The following SPOCK3 variants were observed in gnomAD, a reference collection of about 807,000 sequenced individuals.
SPOCK3 encodes the protein testican-3.
Under a neutral mutation model 56.6 loss-of-function variants are expected in SPOCK3, and 30 were observed. The observed-to-expected ratio is 0.53, with a 90% CI of 0.40 to 0.72. SPOCK3 has a LOEUF of 0.72. Ranked by LOEUF, SPOCK3 falls within the 30% of genes least tolerant of loss-of-function variation. The pLI is 0.00. For missense variants in SPOCK3, 527 were observed against 530.0 expected, an observed-to-expected ratio of 0.99 and a Z score of 0.06; for synonymous variants, 196 against 183.3, an observed-to-expected ratio of 1.07 and a Z score of -0.56.
chr4:167,019,497 T>C (rs1750968460), intron 3 of SPOCK3, among the ~76,000 whole-genome samples: 1 of 151,596 alleles, frequency 6.6e-6, no homozygotes, highest in Non-Finnish European at 1.5e-5. Flanking sequence ...AAATTATATA[T>C]AGTATACAAT....
intron 4 of SPOCK3, among the ~76,000 whole-genome samples, chr4:166,963,851 C>T (rs1205244511): frequency 6.6e-6 from 1 of 151,682 alleles, no homozygotes; most frequent in Non-Finnish European, 1.5e-5. Flanking sequence ...AAATGAGAGA[C>T]AATTATTATA....
intron 2 of SPOCK3, among the ~76,000 whole-genome samples, chr4:167,126,853 T>C (rs2150373991): frequency 6.6e-6 from 1 of 152,282 alleles, no homozygotes; most frequent in East Asian, 1.9e-4. Flanking sequence ...AGCCTCTGGT[T>C]CCTCTTCCAC....
At chr4:166,808,134 T>A (rs1048354473) in intron 6 of SPOCK3, among the ~76,000 whole-genome samples, 1 of 152,164 alleles carries the variant, frequency 6.6e-6, no homozygotes, top group African/African-American at 2.4e-5. Flanking sequence ...AGTAGAACTA[T>A]GAGCATTGTT....
At chr4:167,185,613 T>A (rs551433087) in intron 2 of SPOCK3, among the ~76,000 whole-genome samples, 1 of 152,294 alleles carries the variant, frequency 6.6e-6, no homozygotes, top group South Asian at 2.1e-4. Flanking sequence ...CACAAATAAT[T>A]GAGCTGATTA....
intron 6 of SPOCK3, among the ~76,000 whole-genome samples, chr4:166,836,014 A>T (rs1746576773): frequency 6.6e-6 from 1 of 152,096 alleles, no homozygotes. Flanking sequence ...TCTCACACAC[A>T]CACACACAAA....
intron 2 of SPOCK3, chr4:167,083,126 A>G: frequency 1.3e-6 from 1 of 761,182 alleles, no homozygotes; most frequent in Admixed American, 1.7e-5. Context: ...CTTCTTAACT[A>G]ATTACAGCTT....
At chr4:167,180,281 G>A (rs150196159) in intron 2 of SPOCK3, among the ~76,000 whole-genome samples, 55 of 152,252 alleles carry the variant, frequency 3.6e-4, no homozygotes, top group African/African-American at 1.2e-3. Context: ...ATGCCAAGGA[G>A]ACTGTGAGGT....
chr4:167,066,854 A>T (rs1293486111), intron 2 of SPOCK3, among the ~76,000 whole-genome samples: 1 of 151,928 alleles, frequency 6.6e-6, no homozygotes, highest in Non-Finnish European at 1.5e-5. Flanking sequence ...CCCAGTATGG[A>T]GAAGCTAGTT....
intron 3 of SPOCK3, 94 bp downstream of exon 3, chr4:167,062,398 T>A: frequency 1.1e-6 from 1 of 934,330 alleles, no homozygotes; most frequent in Non-Finnish European, 1.6e-6. Context: ...CTATTTAGTA[T>A]TTTCAAGCCT....
chr4:166,864,914 C>T (rs1035472935), intron 6 of SPOCK3, among the ~76,000 whole-genome samples: 8 of 151,938 alleles, frequency 5.3e-5, no homozygotes, highest in African/African-American at 1.9e-4. Context: ...AAAGAGGGAG[C>T]CCTCCCTAAC....
rs143443695 is a variant in SPOCK3, at chr4:166,872,132, A to G, written c.589+16998T>C. 3.6e-3 allele frequency among the ~76,000 whole-genome samples: 549 copies of G among 151,818 alleles called. 2 individuals carry two copies. Among genetic ancestry groups the G allele is most frequent in the African/African-American group, 0.013 (531 of 41,512 alleles). On this transcript the variant is annotated intron_variant, in intron 6 of 10. Coordinates refer to ENST00000357545, the MANE Select transcript of SPOCK3 (RefSeq NM_001040159.2). ...ATGACAAACTGAAAAATTTTCCCCTAAGGTTCAGAACAAGAAAAATATCCT... is the reference window on the plus strand; with the variant it reads ...ATGACAAACTGAAAAATTTTCCCCTGAGGTTCAGAACAAGAAAAATATCCT...
At chr4:166,899,232 A>T (rs186249827) in intron 5 of SPOCK3, among the ~76,000 whole-genome samples, 1 of 148,116 alleles carries the variant, frequency 6.8e-6, no homozygotes, top group African/African-American at 2.5e-5. Context: ...TTCCTATAAT[A>T]AATCTCCTCA....
chr4:167,025,304 G>T (rs565872202), intron 3 of SPOCK3, among the ~76,000 whole-genome samples: 55 of 151,370 alleles, frequency 3.6e-4, no homozygotes, highest in African/African-American at 1.3e-3. Context: ...CCATTAACCA[G>T]CAGGCCAAGC....
intron 2 of SPOCK3, among the ~76,000 whole-genome samples, chr4:167,139,922 G>C: frequency 6.6e-6 from 1 of 151,696 alleles, no homozygotes; most frequent in South Asian, 2.1e-4. Context: ...CAGTCTTCTG[G>C]GAAAAGTTTT....
chr4:167,031,668 T>C (rs1752287218), intron 3 of SPOCK3, among the ~76,000 whole-genome samples: 1 of 151,962 alleles, frequency 6.6e-6, no homozygotes, highest in Admixed American at 6.6e-5. Flanking sequence ...AGTAGAGTAT[T>C]ATGATGTAAG....
chr4:167,023,824 A>G (rs116714341), intron 3 of SPOCK3, among the ~76,000 whole-genome samples: 1,820 of 152,158 alleles, frequency 0.012, 41 homozygotes, highest in African/African-American at 0.041. Context: ...AAAAGAAAGT[A>G]AACCCTGCTG....
At chr4:167,136,170 G>A (rs2150390663) in intron 2 of SPOCK3, among the ~76,000 whole-genome samples, 1 of 152,182 alleles carries the variant, frequency 6.6e-6, no homozygotes, top group East Asian at 1.9e-4. Flanking sequence ...GAAACTGGTG[G>A]TGCAACCCAG....
intron 4 of SPOCK3, among the ~76,000 whole-genome samples, chr4:166,943,932 G>A (rs967897411): frequency 6.6e-6 from 1 of 152,142 alleles, no homozygotes; most frequent in Non-Finnish European, 1.5e-5. Flanking sequence ...GATCACTTGA[G>A]GTCAGGAGTT....
At chr4:167,191,063 C>T (rs1004538699) in intron 2 of SPOCK3, among the ~76,000 whole-genome samples, 1 of 145,626 alleles carries the variant, frequency 6.9e-6, no homozygotes, top group African/African-American at 2.6e-5. Context: ...AAGTGTAAGG[C>T]TTCCAGCTTT....
Sources: allele counts gnomAD v4.1 joint callset (sites outside exome capture counted in the v4.1 genomes callset), GRCh38; gene constraint gnomAD v4.1.1; transcripts MANE v1.5; gene names NCBI Gene and HGNC (gene_info 2026-07-23, HGNC 2026-07-21).